KCNIP4: variants seen among roughly 807,000 people sequenced by gnomAD.
The protein encoded by KCNIP4 is potassium voltage-gated channel interacting protein 4.
A neutral mutation model predicts 34.0 loss-of-function variants in KCNIP4; 12 were observed. That is an observed-to-expected ratio of 0.35 (90% CI 0.23 to 0.57). The LOEUF (loss-of-function observed/expected upper bound fraction) is 0.57, where lower values mean the gene tolerates loss of function less well. Among genes scored for constraint, KCNIP4 ranks in the 20% least tolerant of loss-of-function variants. KCNIP4 has a pLI of 0.83. For synonymous variants in KCNIP4, 124 were observed against 102.2 expected, an observed-to-expected ratio of 1.21 and a Z score of -1.29; for missense variants, 238 against 311.7, an observed-to-expected ratio of 0.76 and a Z score of 1.78.
intron 3 of KCNIP4, among the ~76,000 whole-genome samples, chr4:20,776,283 T>G (rs564258266): frequency 7.9e-5 from 12 of 152,324 alleles, no homozygotes; most frequent in Non-Finnish European, 1.6e-4. Context: ...AATGCATGTT[T>G]TTGTTTTTTT....
intron 1 of KCNIP4, among the ~76,000 whole-genome samples, chr4:21,600,024 A>G (rs1239807446): frequency 1.3e-5 from 2 of 152,066 alleles, no homozygotes; most frequent in Non-Finnish European, 1.5e-5. Flanking sequence ...TGGTCCTCAG[A>G]TCACATCTTA....
At chr4:21,724,310 C>T (rs1715033870) in intron 1 of KCNIP4, among the ~76,000 whole-genome samples, 2 of 152,002 alleles carry the variant, frequency 1.3e-5, no homozygotes, top group African/African-American at 4.8e-5. Context: ...TATTCACCCA[C>T]AAAATATTTT....
chr4:20,944,555 T>A (rs1434955), intron 1 of KCNIP4, among the ~76,000 whole-genome samples: 20,379 of 152,230 alleles, frequency 0.13, 1,952 homozygotes, highest in African/African-American at 0.28. Flanking sequence ...CCAGATGGGT[T>A]CTTCCTAAAT....
At chr4:21,948,379 A>T (rs1379863920) in intron 1 of KCNIP4, among the ~76,000 whole-genome samples, 192 bp downstream of exon 1, 2 of 151,932 alleles carry the variant, frequency 1.3e-5, no homozygotes, top group Non-Finnish European at 2.9e-5. Context: ...TGGATCTTGC[A>T]TGCACCCCCC....
intron 1 of KCNIP4, among the ~76,000 whole-genome samples, chr4:21,695,193 G>A (rs942956535): frequency 1.3e-5 from 2 of 152,028 alleles, no homozygotes; most frequent in Non-Finnish European, 2.9e-5. Flanking sequence ...AATATGAATG[G>A]TGTATATTAT....
intron 1 of KCNIP4, among the ~76,000 whole-genome samples, chr4:20,977,316 G>C (rs1202816972): frequency 2.6e-5 from 4 of 152,128 alleles, no homozygotes; most frequent in Non-Finnish European, 5.9e-5. Flanking sequence ...TCAATGTCTT[G>C]CTCACTTAAA....
At chr4:21,733,203 T>C (rs1206274468) in intron 1 of KCNIP4, among the ~76,000 whole-genome samples, 1 of 152,164 alleles carries the variant, frequency 6.6e-6, no homozygotes, top group Non-Finnish European at 1.5e-5. Context: ...CCTGTTGTAA[T>C]TAATAATCCT....
intron 1 of KCNIP4, among the ~76,000 whole-genome samples, chr4:21,482,508 T>C (rs1468256085): frequency 6.6e-6 from 1 of 152,188 alleles, no homozygotes; most frequent in Non-Finnish European, 1.5e-5. Flanking sequence ...GCAGGCCTGG[T>C]GGTGACAAAC....
chr4:21,350,432 C>A (rs1342031759), intron 1 of KCNIP4, among the ~76,000 whole-genome samples: 1 of 152,166 alleles, frequency 6.6e-6, no homozygotes, highest in East Asian at 1.9e-4. Flanking sequence ...ACATGGCCAG[C>A]CACCCAAACG....
chr4:21,719,250 A>T (rs758182011), intron 1 of KCNIP4, among the ~76,000 whole-genome samples: 1 of 152,186 alleles, frequency 6.6e-6, no homozygotes, highest in Non-Finnish European at 1.5e-5. Context: ...ATTATATCAG[A>T]CACCCAGGAA....
At chr4:21,885,342 A>G (rs1726702945) in intron 1 of KCNIP4, among the ~76,000 whole-genome samples, 1 of 152,146 alleles carries the variant, frequency 6.6e-6, no homozygotes, top group Non-Finnish European at 1.5e-5. Flanking sequence ...TTCGTGAAAA[A>G]AGTCTTATGA....
At chr4:20,837,681 TA>T (rs1481366542) in intron 3 of KCNIP4, among the ~76,000 whole-genome samples, 1,319 of 90,734 alleles carry the variant, frequency 0.015, 28 homozygotes, top group African/African-American at 0.047. Context: ...TATATATATA[TA>T]TATATTTTTT....
At chr4:20,984,320 G>T (rs1736378057) in intron 1 of KCNIP4, among the ~76,000 whole-genome samples, 1 of 152,222 alleles carries the variant, frequency 6.6e-6, no homozygotes, top group South Asian at 2.1e-4. Flanking sequence ...AACACCGCGC[G>T]CTTCCCTCGC....
rs185990395 is a variant in KCNIP4, at chr4:21,824,720, A to G, written c.61+123851T>C. ...CAGCCAGCTCTGTGTGAATTAAACTATTTTTCTATTCCAGTTCCCCTGTCT... is the reference window on the plus strand; with the variant it reads ...CAGCCAGCTCTGTGTGAATTAAACTGTTTTTCTATTCCAGTTCCCCTGTCT... On this transcript the variant is annotated intron_variant, in intron 1 of 8. Transcript: ENST00000382152. Among the ~76,000 whole-genome samples, 4 of 152,172 alleles carry G rather than the reference A, an allele frequency of 2.6e-5. 1 individual carries two copies. The East Asian group carries it at 7.8e-4, about 30-fold the overall frequency.
chr4:20,746,027 G>T (rs938970500), intron 5 of KCNIP4, among the ~76,000 whole-genome samples: 5 of 152,104 alleles, frequency 3.3e-5, no homozygotes, highest in African/African-American at 1.2e-4. Context: ...CCATTACTGG[G>T]TATATACCTA....
chr4:21,540,015 G>C (rs1403698927), intron 1 of KCNIP4, among the ~76,000 whole-genome samples: 1 of 136,518 alleles, frequency 7.3e-6, no homozygotes, highest in Non-Finnish European at 1.6e-5. Context: ...AAAAAAAAAA[G>C]AATTATTTTG....
intron 1 of KCNIP4, among the ~76,000 whole-genome samples, chr4:21,266,946 A>C (rs1761849415): frequency 6.6e-6 from 1 of 152,168 alleles, no homozygotes; most frequent in Admixed American, 6.6e-5. Flanking sequence ...TGGTTAGCTA[A>C]GGTCTTGGGC....
chr4:20,935,231 C>T (rs549024745), intron 1 of KCNIP4, among the ~76,000 whole-genome samples: 2 of 152,274 alleles, frequency 1.3e-5, no homozygotes, highest in East Asian at 3.9e-4. Flanking sequence ...ACTAGAGAGA[C>T]TGAAAAATGC....
intron 1 of KCNIP4, among the ~76,000 whole-genome samples, chr4:20,886,420 G>A (rs1183763014): frequency 6.6e-6 from 1 of 152,194 alleles, no homozygotes; most frequent in African/African-American, 2.4e-5. Flanking sequence ...ATTGATGTAT[G>A]CGTGTGTATT....
Sources: gnomAD v4.1 joint callset for allele counts (sites outside exome capture counted in the v4.1 genomes callset) on GRCh38, gnomAD v4.1.1 for gene constraint, MANE v1.5 for transcripts, NCBI Gene and HGNC (gene_info 2026-07-23, HGNC 2026-07-21) for gene names.